The following THADA variants were observed in gnomAD, a reference collection of about 807,000 sequenced individuals.
The protein encoded by THADA is tRNA (32-2'-O)-methyltransferase regulator THADA.
A neutral mutation model predicts 219.8 loss-of-function variants in THADA; 213 were observed. The observed-to-expected ratio is 0.97, with a 90% confidence interval of 0.87 to 1.09. THADA has a LOEUF of 1.09. Among genes scored for constraint, THADA ranks in the 50% least tolerant of loss-of-function variants. The probability of loss-of-function intolerance (pLI) is 0.00; values close to 1 mark genes in which losing one functional copy is unlikely to be tolerated. For missense variants in THADA, 2,956 were observed against 2,311.3 expected (o/e 1.28, Z -5.72); for synonymous variants, 1,018 against 828.9 (o/e 1.23, Z -3.92).
At position 43,574,808 on chromosome 2, in the gene THADA, G is replaced by C. The variant is rs113580687; in HGVS notation, c.1257C>G (p.Leu419=). 121 of 1,613,998 alleles carry C rather than the reference G, an allele frequency of 7.5e-5. 4 individuals are homozygous for C. In the African/African-American group the frequency reaches 1.0e-3, roughly 13 times the overall value. Residue 419 remains leucine (L), a synonymous_variant, in exon 11 of 38, where the codon CTC becomes CTG. Transcript: ENST00000405975. ...CTTCCACAGTGAGCCGGTGCATTTG[G>C]AGAAGGTTTTTGAACATGATTTTGG... ...HQTKIMFKNL[L]QMHRLTVEGA...
intron 29 of THADA, among the ~76,000 whole-genome samples, chr2:43,354,235 C>G (rs775573654): frequency 6.6e-5 from 10 of 151,646 alleles, no homozygotes; most frequent in Admixed American, 1.3e-4. Context: ...GAATTACAGG[C>G]ATGAGCCACC....
Position 43,267,297 on chromosome 2 carries a change from G to A in THADA, c.5296+12468C>T, listed in dbSNP as rs566356414. 1.2e-4 allele frequency among the ~76,000 whole-genome samples: 19 copies of A among 152,344 alleles called. No homozygotes were observed. The East Asian group carries it at 1.7e-3, about 14-fold the overall frequency. On this transcript the variant is annotated intron_variant, in intron 36 of 37. Transcript: ENST00000405975. The stretch of plus-strand genomic sequence containing the variant: ...TGATTTTAGGTGGCCTACCACCTGA[G>A]AGGGTGGACTCCCAACAGTTTAGAA...
At chr2:43,501,664 C>G (rs529309363) in intron 24 of THADA, among the ~76,000 whole-genome samples, 81 of 152,302 alleles carry the variant, frequency 5.3e-4, no homozygotes, top group African/African-American at 1.9e-3. Flanking sequence ...TGGTTTTAGG[C>G]CAGGTGTGGT....
chr2:43,526,597 T>C (rs1484543757), intron 22 of THADA, among the ~76,000 whole-genome samples: 3 of 152,204 alleles, frequency 2.0e-5, no homozygotes, highest in Middle Eastern at 3.2e-3. Flanking sequence ...TTGGCAGTTT[T>C]ATCTTGTTCA....
chr2:43,262,821 A>C (rs1015661682), intron 36 of THADA, among the ~76,000 whole-genome samples: 1 of 152,208 alleles, frequency 6.6e-6, no homozygotes, highest in Admixed American at 6.5e-5. Flanking sequence ...GAAATGTAGA[A>C]TCTCATGCCT....
intron 21 of THADA, among the ~76,000 whole-genome samples, chr2:43,539,390 A>T (rs1461216945): frequency 6.6e-6 from 1 of 152,222 alleles, no homozygotes; most frequent in African/African-American, 2.4e-5. Context: ...TTTAATTATT[A>T]TTAATTTAAA....
intron 30 of THADA, among the ~76,000 whole-genome samples, chr2:43,330,863 CA>C (rs1412991358): frequency 1.3e-5 from 2 of 152,022 alleles, no homozygotes; most frequent in Non-Finnish European, 2.9e-5. Flanking sequence ...GGTCAAGAGG[CA>C]AAAAACAAAC....
chr2:43,445,614 C>T (rs1573685366), intron 26 of THADA, among the ~76,000 whole-genome samples: 1 of 152,238 alleles, frequency 6.6e-6, no homozygotes, highest in Non-Finnish European at 1.5e-5. Flanking sequence ...AGGGCTCCAA[C>T]CAGTATCCTT....
At chr2:43,544,552 G>A (rs1196957702) in intron 20 of THADA, among the ~76,000 whole-genome samples, 2 of 151,906 alleles carry the variant, frequency 1.3e-5, no homozygotes, top group Non-Finnish European at 2.9e-5. Context: ...TTATTTCATT[G>A]AGCAGTGGTT....
chr2:43,423,840 T>C (rs1678056341), intron 28 of THADA, among the ~76,000 whole-genome samples: 1 of 152,156 alleles, frequency 6.6e-6, no homozygotes, highest in Non-Finnish European at 1.5e-5. Context: ...AGGGACTTTT[T>C]GGCCTCTGAA....
At chr2:43,490,546 G>C (rs1339328957) in intron 25 of THADA, among the ~76,000 whole-genome samples, 6 of 152,122 alleles carry the variant, frequency 3.9e-5, no homozygotes, top group African/African-American at 1.2e-4. Context: ...TTTGTCAAAT[G>C]CCTCTTTTGT....
chr2:43,593,669 C>T (rs149736026), intron 1 of THADA, among the ~76,000 whole-genome samples: 1,585 of 148,312 alleles, frequency 0.011, 32 homozygotes, highest in African/African-American at 0.037. Context: ...AGTCTTGCTC[C>T]TTCGCCCATG....
chr2:43,355,130 T>C (rs74656289), intron 29 of THADA, among the ~76,000 whole-genome samples: 3,692 of 152,286 alleles, frequency 0.024, 170 homozygotes, highest in African/African-American at 0.085. Flanking sequence ...ATTCATCTGC[T>C]GATGGACACT....
At chr2:43,443,022 C>A (rs757612098) in intron 26 of THADA, among the ~76,000 whole-genome samples, 4 of 152,188 alleles carry the variant, frequency 2.6e-5, no homozygotes, top group Admixed American at 2.0e-4. Context: ...TACCTGTCCT[C>A]GGTTGTACAC....
At chr2:43,465,900 C>T (rs1684171229) in intron 26 of THADA, among the ~76,000 whole-genome samples, 1 of 152,200 alleles carries the variant, frequency 6.6e-6, no homozygotes, top group African/African-American at 2.4e-5. Flanking sequence ...TCTGTTCCTC[C>T]TCCTAAATCC....
At chr2:43,392,208 T>G (rs919919725) in intron 29 of THADA, among the ~76,000 whole-genome samples, 3 of 152,198 alleles carry the variant, frequency 2.0e-5, no homozygotes, top group African/African-American at 7.2e-5. Context: ...TAAATGACAT[T>G]AAAATTCTTA....
At position 43,577,204 on chromosome 2, in the gene THADA, A is replaced by T. The variant is rs746799499; in HGVS notation, c.855T>A (p.Ser285Arg). The T allele has an allele frequency of 6.2e-7, 1 of 1,601,972 alleles. No individual in the cohort carries two copies. The highest frequency in any genetic ancestry group is 1.7e-5 in the Admixed American group (1 of 58,004). ...SVLLRSVDCT[S>R]VPEWFMSSCR... is the part of the protein sequence containing the mutation. ...AGCTGCTCATAAACCACTCGGGGAC[A>T]CTGGTGCAGTCCACTGAACGAAGCA... Residue 285 changes from serine (S) to arginine (R), a missense_variant, in exon 10 of 38, where the codon AGT becomes AGA. Ser to Arg is a moderately radical substitution (Grantham distance 110). Transcript: ENST00000405975.
chr2:43,442,245 G>A (rs956506624), intron 26 of THADA, among the ~76,000 whole-genome samples: 4 of 152,086 alleles, frequency 2.6e-5, no homozygotes, highest in Admixed American at 2.0e-4. Flanking sequence ...AGACCACTCT[G>A]GCCAACATGG....
At chr2:43,283,086 A>T (rs1255325759) in intron 35 of THADA, among the ~76,000 whole-genome samples, 1 of 152,186 alleles carries the variant, frequency 6.6e-6, no homozygotes, top group African/African-American at 2.4e-5. Context: ...CTGATGGTTT[A>T]AAAGTGTGTG....
Sources: gnomAD v4.1 joint callset for allele counts (sites outside exome capture counted in the v4.1 genomes callset) on GRCh38, gnomAD v4.1.1 for gene constraint, MANE v1.5 for transcripts, NCBI Gene and HGNC (gene_info 2026-07-23, HGNC 2026-07-21) for gene names.